The following CASR variants were observed in gnomAD, a reference collection of about 807,000 sequenced individuals.
CASR encodes calcium sensing receptor.
A neutral mutation model predicts 69.1 loss-of-function variants in CASR; 23 were observed. The ratio of observed to expected loss-of-function variants is 0.33; its 90% CI spans 0.24 to 0.47. The LOEUF is 0.47. CASR is among the 20% of genes least tolerant of loss of function. CASR has a pLI of 1.00. For missense variants in CASR, 924 were observed against 1,356.1 expected (o/e 0.68, Z 5.00); for synonymous variants, 541 against 544.7 (o/e 0.99, Z 0.10).
At chr3:122,262,758 G>T (rs1347673009) in intron 4 of CASR, among the ~76,000 whole-genome samples, 5 of 152,152 alleles carry the variant, frequency 3.3e-5, no homozygotes, top group African/African-American at 1.2e-4. Flanking sequence ...TCCCTTGTGA[G>T]TAAGAAGTAT....
intron 1 of CASR, among the ~76,000 whole-genome samples, chr3:122,201,418 C>T (rs1235071207): frequency 6.6e-6 from 1 of 152,222 alleles, no homozygotes; most frequent in Non-Finnish European, 1.5e-5. Flanking sequence ...ACAGACACAG[C>T]AACCATCCGA....
At chr3:122,226,477 T>G (rs982311970) in intron 1 of CASR, among the ~76,000 whole-genome samples, 1 of 152,124 alleles carries the variant, frequency 6.6e-6, no homozygotes, top group Non-Finnish European at 1.5e-5. Flanking sequence ...GAACAAAGCT[T>G]CCACAGCGTG....
intron 1 of CASR, among the ~76,000 whole-genome samples, chr3:122,244,133 T>C (rs2074404713): frequency 6.6e-6 from 1 of 152,096 alleles, no homozygotes; most frequent in African/African-American, 2.4e-5. Context: ...GGGATGACTA[T>C]AGTCAATAAT....
chr3:122,234,055 C>T (rs2107610290), intron 1 of CASR, among the ~76,000 whole-genome samples: 1 of 152,324 alleles, frequency 6.6e-6, no homozygotes, highest in Admixed American at 6.5e-5. Context: ...GTGAAGTCAG[C>T]TCCTTTCAAC....
chr3:122,234,619 A>G (rs2074311801), intron 1 of CASR, among the ~76,000 whole-genome samples: 1 of 152,252 alleles, frequency 6.6e-6, no homozygotes, highest in African/African-American at 2.4e-5. Context: ...AAGTAATGGA[A>G]GAATCAGAGT....
Position 122,185,431 on chromosome 3 carries a change from G to A in CASR, c.-243+1619G>A, listed in dbSNP as rs574336185. 2.4e-4 allele frequency among the ~76,000 whole-genome samples: 37 copies of A among 152,328 alleles called. 1 individual carries two copies. In the South Asian group the frequency reaches 7.2e-3, roughly 30 times the overall value. On this transcript the variant is annotated intron_variant, in intron 1 of 6. Transcript: ENST00000639785. ...CTCAGGGTAGGGAGCCTACTAACGA[G>A]AAGACATTTCGTTTACTTGCTTCAA...
chr3:122,223,514 T>C (rs2074193462), intron 1 of CASR, among the ~76,000 whole-genome samples: 1 of 152,088 alleles, frequency 6.6e-6, no homozygotes. Flanking sequence ...ATTGAAACCT[T>C]GAACAGACCA....
At chr3:122,253,323 C>T (rs2074517840) in intron 1 of CASR, among the ~76,000 whole-genome samples, 1 of 152,210 alleles carries the variant, frequency 6.6e-6, no homozygotes. Context: ...CTCACTGCAA[C>T]CTCCACCTCC....
At chr3:122,201,436 A>G (rs2073950076) in intron 1 of CASR, among the ~76,000 whole-genome samples, 1 of 152,150 alleles carries the variant, frequency 6.6e-6, no homozygotes, top group Admixed American at 6.5e-5. Flanking sequence ...CGATTTCTCA[A>G]TCTTTTCCCC....
chr3:122,228,780 C>A (rs562578316), intron 1 of CASR, among the ~76,000 whole-genome samples: 2 of 152,290 alleles, frequency 1.3e-5, no homozygotes, highest in East Asian at 3.9e-4. Flanking sequence ...AATCCATGCT[C>A]ACAGCTACCA....
intron 1 of CASR, among the ~76,000 whole-genome samples, chr3:122,239,097 G>A (rs2107613482): frequency 6.6e-6 from 1 of 152,298 alleles, no homozygotes; most frequent in East Asian, 1.9e-4. Context: ...CCACAAGGGT[G>A]TGGAGCACCA....
intron 1 of CASR, among the ~76,000 whole-genome samples, chr3:122,196,882 T>C (rs779476172): frequency 1.3e-5 from 2 of 152,238 alleles, no homozygotes; most frequent in Non-Finnish European, 2.9e-5. Context: ...TTGACATATG[T>C]AAATATTGTG....
chr3:122,216,073 G>C (rs1255371826), intron 1 of CASR, among the ~76,000 whole-genome samples: 1 of 152,174 alleles, frequency 6.6e-6, no homozygotes, highest in African/African-American at 2.4e-5. Context: ...GGACATGAAA[G>C]CTCTTTTGCA....
At position 122,254,214 on chromosome 3, in the gene CASR, G is replaced by T. The variant is rs2074528111; in HGVS notation, c.25G>T (p.Val9Phe). 3.1e-6 allele frequency: 5 copies of T among 1,613,396 alleles called. No homozygotes were observed. The highest frequency in any genetic ancestry group is 4.2e-6 in the Non-Finnish European group (5 of 1,180,022). MAFYSCCW[V>F]LLALTWHTSA... ...CATGGCATTTTATAGCTGCTGCTGG[G>T]TCCTCTTGGCACTCACCTGGCACAC... Residue 9 changes from valine to phenylalanine, a missense_variant, in exon 2 of 7, where the codon GTC becomes TTC. Physicochemically the swap from Val to Phe is conservative, Grantham distance 50. Coordinates refer to ENST00000639785, the MANE Select transcript of CASR (RefSeq NM_000388.4).
At chr3:122,279,681 T>TTTTTAACCTCTCAGG (rs1445742327) in intron 5 of CASR, among the ~76,000 whole-genome samples, 1 of 152,186 alleles carries the variant, frequency 6.6e-6, no homozygotes, top group Non-Finnish European at 1.5e-5. Flanking sequence ...AAAACAAAAA[T>TTTTTAACCTCTCAGG]TTTTAACCTC....
chr3:122,221,416 C>A (rs1256991722), intron 1 of CASR, among the ~76,000 whole-genome samples: 1 of 152,174 alleles, frequency 6.6e-6, no homozygotes, highest in African/African-American at 2.4e-5. Flanking sequence ...CACACCTTCA[C>A]CTAGATGGCT....
At chr3:122,191,953 C>G (rs1456976550) in intron 1 of CASR, among the ~76,000 whole-genome samples, 2 of 152,204 alleles carry the variant, frequency 1.3e-5, no homozygotes, top group Admixed American at 6.5e-5. Context: ...ACTGTCATAA[C>G]AAATTACCTG....
chr3:122,261,747 G>A lies in CASR; in HGVS notation c.712G>A (p.Asp238Asn), dbSNP rs373376842. ...AGCTGAGGAAAGGGATATCTGCATC[G>A]ACTTCAGTGAACTCATCTCCCAGTA... is the stretch of plus-strand genomic sequence containing the variant. ...EEAEERDICIDFSELISQYSD... is the reference protein window; with the variant it reads ...EEAEERDICINFSELISQYSD... Residue 238 changes from aspartate (D) to asparagine (N), a missense_variant, in exon 4 of 7, where the codon GAC becomes AAC. Transcript: ENST00000639785. The A allele has an allele frequency of 1.2e-5, 19 of 1,614,060 alleles. No individual in the cohort carries two copies. The highest frequency in any genetic ancestry group is 3.3e-5 in the Admixed American group (2 of 60,002).
At chr3:122,268,622 A>G (rs1411179451) in intron 4 of CASR, among the ~76,000 whole-genome samples, 3 of 152,244 alleles carry the variant, frequency 2.0e-5, no homozygotes, top group Admixed American at 2.0e-4. Flanking sequence ...GTTGGAGTCT[A>G]TTAGACATCT....
Sources: allele counts gnomAD v4.1 joint callset (sites outside exome capture counted in the v4.1 genomes callset), GRCh38; gene constraint gnomAD v4.1.1; transcripts MANE v1.5; gene names NCBI Gene and HGNC (gene_info 2026-07-23, HGNC 2026-07-21).